The following NBPF9 variants were observed in gnomAD, a reference collection of about 807,000 sequenced individuals.
NBPF9 encodes NBPF family member NBPF9.
A neutral mutation model predicts 97.8 loss-of-function variants in NBPF9; 91 were observed. The observed-to-expected ratio is 0.93, with a 90% CI of 0.79 to 1.11. The LOEUF (loss-of-function observed/expected upper bound fraction) is 1.11, where lower values mean the gene tolerates loss of function less well. Ranked by LOEUF, NBPF9 falls within the 50% of genes least tolerant of loss-of-function variation. The pLI is 0.00. For synonymous variants in NBPF9, 334 were observed against 359.5 expected (o/e 0.93, Z 0.80); for missense variants, 992 against 939.5 (o/e 1.06, Z -0.73).
At chr1:149,097,695 G>T (rs1553662155) in intron 4 of NBPF9, among the ~76,000 whole-genome samples, 1 of 152,074 alleles carries the variant, frequency 6.6e-6, no homozygotes, top group Non-Finnish European at 1.5e-5. Flanking sequence ...GCAGTGGTGG[G>T]TTCCATGGGG....
chr1:149,102,613 T>A (rs2082219573), intron 2 of NBPF9, 116 bp downstream of exon 2: 2 of 144,696 alleles, frequency 1.4e-5, no homozygotes, highest in South Asian at 4.5e-4. Flanking sequence ...AACGTCTTGG[T>A]TAACTCTTCG....
rs368525779 is a variant in NBPF9 at position 149,098,638 on chromosome 1, C to T, written c.-537G>A. The T allele has an allele frequency of 4.9e-4, 545 of 1,101,330 alleles. 3 individuals are homozygous for T. The East Asian group carries it at 9.0e-3, about 18-fold the overall frequency. The allele number at this position is 1,101,330 out of a possible 1,614,324, so 68.2% of individuals were successfully genotyped here. Reference sequence around the variant, plus strand: ...ACACCCTCAGGAGGACGGTAAGGGACGGTAAGGTGAGAGCCTGGGTCACCA... The same window carrying T: ...ACACCCTCAGGAGGACGGTAAGGGATGGTAAGGTGAGAGCCTGGGTCACCA... On this transcript the variant is annotated 5_prime_UTR_variant, in exon 4 of 30. Coordinates refer to ENST00000584027, the Ensembl canonical transcript of NBPF9.
intron 18 of NBPF9, chr1:149,064,844 G>C (rs1210745373): frequency 3.5e-5 from 19 of 539,746 alleles, no homozygotes; most frequent in Non-Finnish European, 5.6e-5. Context: ...CCCAGAATTT[G>C]ATAGTTTATG....
exon 7 of NBPF9, chr1:149,082,066 C>T (rs1237766203): frequency 2.1e-5 from 33 of 1,609,642 alleles, no homozygotes; most frequent in African/African-American, 9.4e-5. Context: ...CAACTGGGGG[C>T]GCAATTTCTC....
intron 12 of NBPF9, among the ~76,000 whole-genome samples, chr1:149,074,662 C>T (rs181129518): frequency 6.6e-6 from 1 of 151,102 alleles, no homozygotes; most frequent in African/African-American, 2.4e-5. Context: ...GCCCACGGTC[C>T]CTGCTCTGTA....
chr1:149,059,539 T>A (rs2078465738), intron 25 of NBPF9, 161 bp downstream of exon 25: 2 of 431,012 alleles, frequency 4.6e-6, no homozygotes, highest in East Asian at 3.2e-5. Context: ...GAGGAAGAAA[T>A]GGAAACCTAA....
At chr1:149,064,885 G>A in intron 18 of NBPF9, 1 of 527,056 alleles carries the variant, frequency 1.9e-6, no homozygotes, top group Non-Finnish European at 3.4e-6. Context: ...TGATGAGGGG[G>A]TGCAATGAAC....
chr1:149,055,768 G>A (rs587772591), exon 30 of NBPF9: 83 of 1,611,614 alleles, frequency 5.2e-5, no homozygotes, highest in South Asian at 1.3e-4. Flanking sequence ...TTCCTCAAAT[G>A]AGTAAAACAC....
At chr1:149,055,664 G>A (rs782563105) in exon 30 of NBPF9, 20 of 1,605,154 alleles carry the variant, frequency 1.2e-5, no homozygotes, top group Non-Finnish European at 1.7e-5. Flanking sequence ...GCTTATTGTG[G>A]GAATATGACT....
At chr1:149,082,896 C>T (rs1275832609) in intron 5 of NBPF9, among the ~76,000 whole-genome samples, 1 of 147,716 alleles carries the variant, frequency 6.8e-6, no homozygotes, top group Non-Finnish European at 1.5e-5. Context: ...TCTCCTGCCT[C>T]AGACTCCCAA....
In NBPF9 at chr1:149,061,900, G is replaced by C. The variant is rs1302339304; in HGVS notation, c.2251+193C>G. ...GGCATGGCTGGAGACTAGGAATGGAGCCTTGCTCACTGACCCATTTCATGT... is the reference window on the plus strand; with the variant it reads ...GGCATGGCTGGAGACTAGGAATGGACCCTTGCTCACTGACCCATTTCATGT... On this transcript the variant is annotated intron_variant, in intron 22 of 29. Transcript: ENST00000584027. 8.9e-6 allele frequency: 4 copies of C among 450,042 alleles called. 1 individual carries two copies. Among genetic ancestry groups the C allele is most frequent in the Non-Finnish European group, 1.6e-5 (4 of 252,526 alleles). 27.9% of individuals were successfully genotyped at this position (450,042 alleles called of 1,614,324 possible).
chr1:149,076,727 C>T (rs2079906619), intron 11 of NBPF9, among the ~76,000 whole-genome samples: 1 of 148,948 alleles, frequency 6.7e-6, no homozygotes. Context: ...CCAGGATGGT[C>T]TCAATCTCCT....
intron 4 of NBPF9, among the ~76,000 whole-genome samples, chr1:149,095,842 T>C (rs1388877402): frequency 1.3e-5 from 2 of 151,848 alleles, no homozygotes; most frequent in Non-Finnish European, 2.9e-5. Context: ...GAACTCTCCA[T>C]AGCTAGTGGA....
intron 7 of NBPF9, among the ~76,000 whole-genome samples, chr1:149,081,509 C>G (rs80143698): frequency 0.14 from 20,553 of 150,518 alleles, 1,829 homozygotes; most frequent in Non-Finnish European, 0.2. Context: ...CAGGTACTGG[C>G]TACTATCACC....
At position 149,081,946 on chromosome 1, in the gene NBPF9, G is replaced by A; in HGVS notation, c.175+19C>T. 1 of 1,526,624 alleles carries A rather than the reference G, an allele frequency of 6.6e-7. No homozygotes were observed. Among genetic ancestry groups the A allele is most frequent in the African/African-American group, 1.4e-5 (1 of 71,734 alleles). 94.6% of individuals were successfully genotyped at this position (1,526,624 alleles called of 1,614,324 possible). On this transcript the variant is annotated intron_variant, in intron 7 of 29. Coordinates refer to ENST00000584027, the Ensembl canonical transcript of NBPF9. The stretch of plus-strand genomic sequence containing the variant: ...GACATCATTCATCACTTTCATGACG[G>A]TGAGCCTATAGATCTTACTGTATTT...
intron 27 of NBPF9, among the ~76,000 whole-genome samples, chr1:149,057,736 C>A (rs1249387939): frequency 6.8e-5 from 7 of 102,548 alleles, no homozygotes; most frequent in Admixed American, 1.1e-4. Flanking sequence ...CACACACACA[C>A]ACACACACAC....
At chr1:149,082,103 C>A (rs1338121570) in exon 7 of NBPF9, 2 of 1,611,230 alleles carry the variant, frequency 1.2e-6, no homozygotes, top group Non-Finnish European at 1.7e-6. Context: ...TTCATCTCTG[C>A]CTTCTCGCTG....
chr1:149,088,080 C>T (rs1553659147), intron 5 of NBPF9, among the ~76,000 whole-genome samples: 1 of 152,104 alleles, frequency 6.6e-6, no homozygotes, highest in African/African-American at 2.4e-5. Context: ...ATCTGCCCAC[C>T]TCGGCCTCCC....
chr1:149,079,209 G>A (rs782264732), exon 9 of NBPF9: 81 of 905,604 alleles, frequency 8.9e-5, no homozygotes, highest in Non-Finnish European at 1.5e-4. Flanking sequence ...AGTGAACCAG[G>A]ACTTTATATT....
Sources: gnomAD v4.1 joint callset for allele counts (sites outside exome capture counted in the v4.1 genomes callset) on GRCh38, gnomAD v4.1.1 for gene constraint, MANE v1.5 for transcripts, NCBI Gene and HGNC (gene_info 2026-07-23, HGNC 2026-07-21) for gene names.